CNTN5: variants seen among roughly 807,000 people sequenced by gnomAD.
CNTN5 encodes contactin-5.
Under a neutral mutation model 129.1 loss-of-function variants are expected in CNTN5, and 77 were observed. The observed-to-expected ratio is 0.60, with a 90% CI of 0.50 to 0.72. The LOEUF is 0.72. CNTN5 is among the 30% of genes least tolerant of loss of function. The probability of loss-of-function intolerance (pLI) is 0.00; values close to 1 mark genes in which losing one functional copy is unlikely to be tolerated. For synonymous variants in CNTN5, 509 were observed against 465.6 expected (o/e 1.09, Z -1.20); for missense variants, 1,478 against 1,328.8 (o/e 1.11, Z -1.75).
intron 3 of CNTN5, among the ~76,000 whole-genome samples, chr11:99,729,564 G>T (rs896714926): frequency 6.6e-6 from 1 of 151,884 alleles, no homozygotes; most frequent in African/African-American, 2.4e-5. Flanking sequence ...GAAACTAGAG[G>T]GCTGGTTCTA....
At chr11:100,067,344 G>T (rs990926432) in intron 10 of CNTN5, among the ~76,000 whole-genome samples, 3 of 152,004 alleles carry the variant, frequency 2.0e-5, no homozygotes, top group Non-Finnish European at 4.4e-5. Flanking sequence ...GCGTTTGTGT[G>T]CTTGTGTATG....
intron 3 of CNTN5, among the ~76,000 whole-genome samples, chr11:99,749,751 G>A (rs1032445552): frequency 2.0e-4 from 30 of 152,212 alleles, no homozygotes; most frequent in African/African-American, 7.2e-4. Context: ...TTTTCATCTA[G>A]CACAACTCTT....
At chr11:99,749,322 A>T (rs181829311) in intron 3 of CNTN5, among the ~76,000 whole-genome samples, 1 of 152,350 alleles carries the variant, frequency 6.6e-6, no homozygotes, top group African/African-American at 2.4e-5. Context: ...ACACAGTAAG[A>T]AACATTTCAT....
intron 2 of CNTN5, among the ~76,000 whole-genome samples, chr11:99,523,814 G>C (rs1947382972): frequency 6.6e-6 from 1 of 152,144 alleles, no homozygotes; most frequent in Non-Finnish European, 1.5e-5. Context: ...AACAGATCTA[G>C]AGTAAGAGAG....
At chr11:100,352,444 T>G (rs1026524660) in intron 24 of CNTN5, among the ~76,000 whole-genome samples, 4 of 151,736 alleles carry the variant, frequency 2.6e-5, no homozygotes, top group African/African-American at 9.7e-5. Flanking sequence ...AAAAGATGCA[T>G]CATATCTGCT....
At chr11:99,629,071 C>CA (rs1591385177) in intron 3 of CNTN5, among the ~76,000 whole-genome samples, 1 of 152,012 alleles carries the variant, frequency 6.6e-6, no homozygotes, top group East Asian at 1.9e-4. Context: ...ACTAAATACT[C>CA]ACAGAAAAAA....
rs562124777 is a variant in CNTN5, at chr11:99,270,862, G to C, written c.-209-54484G>C. Among the ~76,000 whole-genome samples, 23 of 152,074 alleles carry C rather than the reference G, an allele frequency of 1.5e-4. 1 individual carries two copies. In the South Asian group the frequency reaches 4.8e-3, roughly 32 times the overall value. ...ATCTGTGAAACAGGGACTCTGCATA[G>C]AATGCATGTTTGTATTCAACGTAAT... is the stretch of plus-strand genomic sequence containing the variant. On this transcript the variant is annotated intron_variant, in intron 1 of 24. Transcript: ENST00000524871.
intron 3 of CNTN5, among the ~76,000 whole-genome samples, chr11:99,641,549 C>G (rs1951771265): frequency 6.6e-6 from 1 of 152,036 alleles, no homozygotes; most frequent in African/African-American, 2.4e-5. Context: ...GCAAGCCACC[C>G]CATCTTAGGA....
At chr11:100,073,792 C>T (rs892624994) in intron 12 of CNTN5, among the ~76,000 whole-genome samples, 1 of 152,116 alleles carries the variant, frequency 6.6e-6, no homozygotes, top group South Asian at 2.1e-4. Context: ...TCACCTCCAT[C>T]TTACCAAAGG....
chr11:100,177,819 A>G (rs1201933612), intron 13 of CNTN5, among the ~76,000 whole-genome samples: 1 of 152,100 alleles, frequency 6.6e-6, no homozygotes, highest in Non-Finnish European at 1.5e-5. Context: ...TGTGGTGTGA[A>G]GGAGATGGCC....
intron 2 of CNTN5, among the ~76,000 whole-genome samples, chr11:99,385,985 C>T (rs1940902412): frequency 6.6e-6 from 1 of 152,190 alleles, no homozygotes; most frequent in African/African-American, 2.4e-5. Context: ...ACCTGGAGTC[C>T]TCAGTATATT....
intron 1 of CNTN5, among the ~76,000 whole-genome samples, chr11:99,108,625 C>T (rs1857634148): frequency 1.3e-5 from 2 of 152,106 alleles, no homozygotes; most frequent in Admixed American, 6.6e-5. Context: ...CAAAATTTTA[C>T]ATAGTATCCA....
chr11:100,078,573 A>G (rs17094317), intron 13 of CNTN5, among the ~76,000 whole-genome samples: 20,180 of 152,124 alleles, frequency 0.13, 1,656 homozygotes, highest in East Asian at 0.31. Flanking sequence ...GTTGTTGGTA[A>G]AAGTATAAAC....
At chr11:99,682,428 G>A (rs984116858) in intron 3 of CNTN5, among the ~76,000 whole-genome samples, 2 of 151,880 alleles carry the variant, frequency 1.3e-5, no homozygotes, top group African/African-American at 4.8e-5. Flanking sequence ...GGGGTGGGAG[G>A]AAGCAGCTTT....
chr11:100,057,030 A>C (rs1006632548), intron 9 of CNTN5, among the ~76,000 whole-genome samples: 1 of 151,544 alleles, frequency 6.6e-6, no homozygotes, highest in Non-Finnish European at 1.5e-5. Context: ...CAGGTTCCTG[A>C]AAGTAGAAAG....
At chr11:99,816,272 C>T (rs1487019816) in intron 3 of CNTN5, among the ~76,000 whole-genome samples, 1 of 152,084 alleles carries the variant, frequency 6.6e-6, no homozygotes, top group Non-Finnish European at 1.5e-5. Context: ...TTTTCAACAC[C>T]CTATTTCTTA....
At chr11:99,993,634 G>A (rs1939264336) in intron 8 of CNTN5, among the ~76,000 whole-genome samples, 1 of 152,126 alleles carries the variant, frequency 6.6e-6, no homozygotes. Context: ...GATCTGACAA[G>A]AGGTGGAAGT....
At chr11:99,695,577 A>G (rs1016255853) in intron 3 of CNTN5, among the ~76,000 whole-genome samples, 1 of 152,010 alleles carries the variant, frequency 6.6e-6, no homozygotes, top group Non-Finnish European at 1.5e-5. Flanking sequence ...AGAAAGAGGC[A>G]CTGGATTATG....
At position 99,228,332 on chromosome 11, in the gene CNTN5, T is replaced by C. The variant is rs187404355; in HGVS notation, c.-209-97014T>C. On this transcript the variant is annotated intron_variant, in intron 1 of 24. Transcript: ENST00000524871. ...GATAGATACTAGAGGCTGGCAAGCGTCTGTGTGAGAGGAGTTTAGCACACA... is the reference window on the plus strand; with the variant it reads ...GATAGATACTAGAGGCTGGCAAGCGCCTGTGTGAGAGGAGTTTAGCACACA... Among the ~76,000 whole-genome samples, 33 of 152,228 alleles carry C rather than the reference T, an allele frequency of 2.2e-4. 1 individual carries two copies. Among genetic ancestry groups the C allele is most frequent in the African/African-American group, 7.2e-4 (30 of 41,566 alleles).
Sources: allele counts gnomAD v4.1 joint callset (sites outside exome capture counted in the v4.1 genomes callset), GRCh38; gene constraint gnomAD v4.1.1; transcripts MANE v1.5; gene names NCBI Gene and HGNC (gene_info 2026-07-23, HGNC 2026-07-21).